The following C8orf34 variants were observed in gnomAD, a reference collection of about 807,000 sequenced individuals.
C8orf34 encodes the protein uncharacterized protein C8orf34.
Under a neutral mutation model 68.3 loss-of-function variants are expected in C8orf34, and 65 were observed. The observed-to-expected ratio is 0.95, with a 90% confidence interval of 0.78 to 1.17. The LOEUF (loss-of-function observed/expected upper bound fraction) is 1.17. Ranked by LOEUF, C8orf34 falls within the 50% of genes most tolerant of loss-of-function variation. The probability of loss-of-function intolerance (pLI) is 0.00; values close to 1 mark genes in which losing one functional copy is unlikely to be tolerated. For synonymous variants in C8orf34, 244 were observed against 241.2 expected (o/e 1.01, Z -0.11); for missense variants, 664 against 655.4 (o/e 1.01, Z -0.14).
At chr8:68,798,305 T>TTA (rs1824236991) in intron 12 of C8orf34, among the ~76,000 whole-genome samples, 1 of 150,246 alleles carries the variant, frequency 6.7e-6, no homozygotes, top group African/African-American at 2.4e-5. Context: ...TTTTTTTTTT[T>TTA]TTTAAACAGA....
intron 2 of C8orf34, among the ~76,000 whole-genome samples, chr8:68,444,302 C>CCT (rs1209658661): frequency 6.6e-6 from 1 of 151,936 alleles, no homozygotes; most frequent in Non-Finnish European, 1.5e-5. Flanking sequence ...TAGCCTATCT[C>CCT]CTCTCTAATT....
At chr8:68,711,457 T>C (rs1821327099) in intron 9 of C8orf34, among the ~76,000 whole-genome samples, 1 of 151,922 alleles carries the variant, frequency 6.6e-6, no homozygotes, top group South Asian at 2.1e-4. Context: ...GTGAAATAGG[T>C]AGCATAAATA....
At chr8:68,772,707 CTTT>C (rs372893791) in intron 10 of C8orf34, among the ~76,000 whole-genome samples, 2,259 of 131,538 alleles carry the variant, frequency 0.017, 62 homozygotes, top group African/African-American at 0.056. Context: ...CCCTCCCTCT[CTTT>C]CTTTCTTTCT....
chr8:68,330,805 A>ATACG, upstream of C8orf34: 1 of 483,126 alleles, frequency 2.1e-6, no homozygotes, highest in Non-Finnish European at 3.6e-6. Flanking sequence ...ACACACACAC[A>ATACG]CACGCACGCA....
intron 7 of C8orf34, among the ~76,000 whole-genome samples, chr8:68,581,542 G>A (rs1817063808): frequency 1.3e-5 from 2 of 152,226 alleles, no homozygotes; most frequent in African/African-American, 4.8e-5. Flanking sequence ...TCCATTGAGT[G>A]CTAACAAAAA....
intron 10 of C8orf34, 34 bp downstream of exon 10, chr8:68,721,471 G>A: frequency 7.3e-7 from 1 of 1,369,962 alleles, no homozygotes; most frequent in Non-Finnish European, 1.0e-6. Flanking sequence ...TTTTTTAATT[G>A]CTAAAACTAA....
intron 10 of C8orf34, among the ~76,000 whole-genome samples, chr8:68,752,850 G>C (rs1289566255): frequency 6.6e-6 from 1 of 152,168 alleles, no homozygotes; most frequent in African/African-American, 2.4e-5. Context: ...AGCTGGTTGA[G>C]TTGGAAAAAT....
chr8:68,406,723 G>GA (rs1286895276), intron 1 of C8orf34, among the ~76,000 whole-genome samples: 1 of 152,036 alleles, frequency 6.6e-6, no homozygotes, highest in African/African-American at 2.4e-5. Flanking sequence ...TCAAGCTCCT[G>GA]ACCTCAAGTG....
intron 9 of C8orf34, among the ~76,000 whole-genome samples, chr8:68,712,051 AATTATTACCCAAGAATGTT>A (rs1469596170): frequency 6.6e-6 from 1 of 152,160 alleles, no homozygotes; most frequent in Non-Finnish European, 1.5e-5. Flanking sequence ...TAAACAAAAC[AATTATTACCCAAGAATGTT>A]ATATTCAGAG....
chr8:68,490,118 T>G (rs1410676753), intron 5 of C8orf34, among the ~76,000 whole-genome samples: 3 of 152,188 alleles, frequency 2.0e-5, no homozygotes, highest in African/African-American at 7.2e-5. Flanking sequence ...CTCCTTCTTA[T>G]GCCATGAGTT....
At chr8:68,407,759 T>C (rs1056861324) in intron 1 of C8orf34, among the ~76,000 whole-genome samples, 2 of 152,226 alleles carry the variant, frequency 1.3e-5, no homozygotes, top group Admixed American at 6.5e-5. Flanking sequence ...TTTTTTTTGT[T>C]ATTTTCATTT....
At chr8:68,745,315 A>C (rs1822451477) in intron 10 of C8orf34, among the ~76,000 whole-genome samples, 1 of 152,192 alleles carries the variant, frequency 6.6e-6, no homozygotes, top group African/African-American at 2.4e-5. Context: ...ACTAGGAAGA[A>C]ACTGCATCAA....
Position 68,767,296 on chromosome 8 carries a change from C to A in C8orf34, c.1405-9103C>A, listed in dbSNP as rs549744040. 2.0e-5 allele frequency among the ~76,000 whole-genome samples: 3 copies of A among 152,332 alleles called. No individual in the cohort carries two copies. The East Asian group carries it at 5.8e-4, about 29-fold the overall frequency. The stretch of plus-strand genomic sequence containing the variant: ...CTTCCCACTGCAAATAAAAACTATT[C>A]TTTTACAGAAATAAACTACTTGCAT... On this transcript the variant is annotated intron_variant, in intron 10 of 13. Transcript: ENST00000518698.
chr8:68,389,105 A>G (rs1808376125), intron 1 of C8orf34, among the ~76,000 whole-genome samples: 1 of 152,182 alleles, frequency 6.6e-6, no homozygotes, highest in African/African-American at 2.4e-5. Context: ...TTTTGTATGC[A>G]TTCATTTTGC....
intron 8 of C8orf34, among the ~76,000 whole-genome samples, chr8:68,686,231 C>T (rs13263978): frequency 0.2 from 30,161 of 151,988 alleles, 3,438 homozygotes; most frequent in East Asian, 0.56. Context: ...TGATACCAAT[C>T]GTACTGAAAC....
At chr8:68,420,521 G>C (rs1170589544) in intron 1 of C8orf34, among the ~76,000 whole-genome samples, 1 of 150,300 alleles carries the variant, frequency 6.7e-6, no homozygotes, top group African/African-American at 2.5e-5. Context: ...ATTATGAAAT[G>C]CAACATGTGG....
rs193069825 is a variant in C8orf34 at position 68,397,851 on chromosome 8, C to A, written c.328-41648C>A. Among the ~76,000 whole-genome samples the A allele has an allele frequency of 4.6e-5, 7 of 152,272 alleles. No individual in the cohort carries two copies. In the East Asian group the frequency reaches 9.7e-4, roughly 21 times the overall value. ...TGGCATTATGTCAGCTCACTGCAACCTCCACCTCCTGGGATCAAATGATTC... is the reference window on the plus strand; with the variant it reads ...TGGCATTATGTCAGCTCACTGCAACATCCACCTCCTGGGATCAAATGATTC... On this transcript the variant is annotated intron_variant, in intron 1 of 13. Transcript: ENST00000518698.
rs139032982 is a variant in C8orf34, at chr8:68,461,300, C to G, written c.608-7392C>G. On this transcript the variant is annotated intron_variant, in intron 3 of 13. Coordinates refer to ENST00000518698, the MANE Select transcript of C8orf34 (RefSeq NM_052958.4). ...GAAATATGGGACTATGTGAAAAGAC[C>G]AAATCTACATCTGATTGGTGTACCT... Among the ~76,000 whole-genome samples the G allele has an allele frequency of 2.1e-3, 327 of 152,154 alleles. 1 individual carries two copies. Among genetic ancestry groups the G allele is most frequent in the African/African-American group, 7.1e-3 (294 of 41,488 alleles).
chr8:68,382,891 G>T (rs1434978583), intron 1 of C8orf34, among the ~76,000 whole-genome samples: 2 of 151,956 alleles, frequency 1.3e-5, no homozygotes, highest in Non-Finnish European at 2.9e-5. Flanking sequence ...CTTCTGATAG[G>T]TCTACTTTGC....
Sources: gnomAD v4.1 joint callset for allele counts (sites outside exome capture counted in the v4.1 genomes callset) on GRCh38, gnomAD v4.1.1 for gene constraint, MANE v1.5 for transcripts, NCBI Gene and HGNC (gene_info 2026-07-23, HGNC 2026-07-21) for gene names.